The following CHCHD3 variants were observed in gnomAD, a reference collection of about 807,000 sequenced individuals.
CHCHD3 encodes coiled-coil-helix-coiled-coil-helix domain containing 3, also known as MICOS complex subunit MIC19.
A neutral mutation model predicts 38.2 loss-of-function variants in CHCHD3; 20 were observed. The ratio of observed to expected loss-of-function variants is 0.52; its 90% CI spans 0.37 to 0.76. CHCHD3 has a LOEUF of 0.76. CHCHD3 is among the 30% of genes least tolerant of loss of function. The probability of loss-of-function intolerance (pLI) is 0.00; values close to 1 mark genes in which losing one functional copy is unlikely to be tolerated. For missense variants in CHCHD3, 245 were observed against 279.2 expected, an observed-to-expected ratio of 0.88 and a Z score of 0.87; for synonymous variants, 82 against 100.0, an observed-to-expected ratio of 0.82 and a Z score of 1.07.
At chr7:132,996,355 C>T (rs755362343) in intron 3 of CHCHD3, among the ~76,000 whole-genome samples, 7 of 152,168 alleles carry the variant, frequency 4.6e-5, no homozygotes, top group Admixed American at 3.9e-4. Flanking sequence ...TGACCCAGAA[C>T]GTGTTTCCAC....
chr7:132,848,007 T>C (rs1258353214), intron 5 of CHCHD3, among the ~76,000 whole-genome samples: 1 of 152,182 alleles, frequency 6.6e-6, no homozygotes, highest in East Asian at 1.9e-4. Context: ...CGTTCAAGGA[T>C]GGTGGCAACT....
At chr7:132,912,691 A>T (rs757323525) in intron 4 of CHCHD3, among the ~76,000 whole-genome samples, 10 of 152,076 alleles carry the variant, frequency 6.6e-5, no homozygotes, top group Non-Finnish European at 1.3e-4. Context: ...GGTAGCTGGG[A>T]CTACAGGCGT....
At chr7:132,860,869 C>T (rs894588769) in intron 5 of CHCHD3, among the ~76,000 whole-genome samples, 8 of 152,164 alleles carry the variant, frequency 5.3e-5, no homozygotes, top group Non-Finnish European at 7.3e-5. Context: ...AGTGATCCAC[C>T]CGCCTCAGCC....
intron 4 of CHCHD3, among the ~76,000 whole-genome samples, chr7:132,889,793 T>A (rs529843895): frequency 6.6e-6 from 1 of 152,308 alleles, no homozygotes; most frequent in East Asian, 1.9e-4. Context: ...AAGCCTAGAA[T>A]ACATTGACTA....
At chr7:132,907,747 AAAGAGGGGAGAATGC>A (rs1215242664) in intron 4 of CHCHD3, among the ~76,000 whole-genome samples, 1 of 152,222 alleles carries the variant, frequency 6.6e-6, no homozygotes. Flanking sequence ...GATGGATTAG[AAAGAGGGGAGAATGC>A]CAGTAGGGAA....
intron 4 of CHCHD3, among the ~76,000 whole-genome samples, chr7:132,938,934 G>C (rs1810696852): frequency 6.6e-6 from 1 of 152,196 alleles, no homozygotes; most frequent in Non-Finnish European, 1.5e-5. Context: ...TCTATCCCTG[G>C]TGAGTGTCAT....
At chr7:132,996,968 T>C (rs2117382694) in intron 3 of CHCHD3, among the ~76,000 whole-genome samples, 1 of 152,328 alleles carries the variant, frequency 6.6e-6, no homozygotes, top group East Asian at 1.9e-4. Flanking sequence ...CTTATACAAA[T>C]AAAACTATAT....
chr7:132,898,952 C>A (rs1389390242), intron 4 of CHCHD3, among the ~76,000 whole-genome samples: 5 of 152,208 alleles, frequency 3.3e-5, no homozygotes, highest in African/African-American at 1.2e-4. Flanking sequence ...GGCCTGCAAG[C>A]GCCGCACACA....
At chr7:132,801,894 G>A (rs1806802937) in intron 6 of CHCHD3, among the ~76,000 whole-genome samples, 1 of 152,144 alleles carries the variant, frequency 6.6e-6, no homozygotes, top group Non-Finnish European at 1.5e-5. Flanking sequence ...TCAGATCTAC[G>A]TGGGGAACGT....
chr7:132,794,837 A>G (rs1343731750), intron 7 of CHCHD3, among the ~76,000 whole-genome samples: 1 of 152,258 alleles, frequency 6.6e-6, no homozygotes, highest in Non-Finnish European at 1.5e-5. Flanking sequence ...CATTACCCCA[A>G]TTTACAGATG....
At chr7:133,060,167 T>C (rs1358426117) in intron 2 of CHCHD3, among the ~76,000 whole-genome samples, 1 of 152,212 alleles carries the variant, frequency 6.6e-6, no homozygotes, top group Non-Finnish European at 1.5e-5. Context: ...AGACTTCTTC[T>C]TTTCCTGCTT....
At chr7:133,012,631 G>C (rs1380945504) in intron 3 of CHCHD3, among the ~76,000 whole-genome samples, 1 of 151,512 alleles carries the variant, frequency 6.6e-6, no homozygotes. Flanking sequence ...AGACATGGTG[G>C]CATGCACCTG....
chr7:133,020,559 A>ACCATTTTATCAATT (rs1405272954), intron 3 of CHCHD3, among the ~76,000 whole-genome samples: 1 of 152,222 alleles, frequency 6.6e-6, no homozygotes, highest in Non-Finnish European at 1.5e-5. Flanking sequence ...GTGTACATGG[A>ACCATTTTATCAATT]CTGCATTTTA....
chr7:132,829,302 G>A (rs936805603), intron 6 of CHCHD3, among the ~76,000 whole-genome samples: 15 of 152,054 alleles, frequency 9.9e-5, no homozygotes, highest in Non-Finnish European at 1.6e-4. Context: ...TATGATACAA[G>A]GAAGGAAATA....
chr7:133,013,958 G>T (rs79177693), intron 3 of CHCHD3, among the ~76,000 whole-genome samples: 2 of 151,946 alleles, frequency 1.3e-5, no homozygotes, highest in Admixed American at 1.3e-4. Flanking sequence ...TACCTGGTTC[G>T]GTAGAAATAA....
chr7:132,865,039 T>A (rs1808584314), intron 5 of CHCHD3, among the ~76,000 whole-genome samples: 1 of 152,158 alleles, frequency 6.6e-6, no homozygotes, highest in Non-Finnish European at 1.5e-5. Flanking sequence ...ATTTGTCAGA[T>A]AAGGAGGATT....
chr7:132,938,333 TA>T (rs1810680584), intron 4 of CHCHD3, among the ~76,000 whole-genome samples: 1 of 152,126 alleles, frequency 6.6e-6, no homozygotes. Flanking sequence ...CAAATGAGAA[TA>T]AGGATTCGTA....
chr7:132,847,251 T>TA (rs1808098336), intron 5 of CHCHD3: 2 of 152,106 alleles, frequency 1.3e-5, no homozygotes, highest in African/African-American at 4.8e-5. Flanking sequence ...GGCTAGGAAA[T>TA]TGATTATTTT....
chr7:133,082,003 C>T lies in CHCHD3; in HGVS notation c.-66G>A, dbSNP rs975323334. The T allele has an allele frequency of 1.4e-6, 2 of 1,385,116 alleles. No homozygotes were observed. Among genetic ancestry groups the T allele is most frequent in the Non-Finnish European group, 1.9e-6 (2 of 1,029,566 alleles). 85.8% of individuals were successfully genotyped at this position (1,385,116 alleles called of 1,614,324 possible). On this transcript the variant is annotated 5_prime_UTR_variant, in exon 1 of 8. Coordinates refer to ENST00000262570, the MANE Select transcript of CHCHD3 (RefSeq NM_017812.4). Reference sequence around the variant, plus strand: ...ACGAGCACTTCGGGGCCCCCGCACCCACACGCGCGTGGAAGGGCCTGGATT... The same window carrying T: ...ACGAGCACTTCGGGGCCCCCGCACCTACACGCGCGTGGAAGGGCCTGGATT...
Sources: allele counts gnomAD v4.1 joint callset (sites outside exome capture counted in the v4.1 genomes callset), GRCh38; gene constraint gnomAD v4.1.1; transcripts MANE v1.5; gene names NCBI Gene and HGNC (gene_info 2026-07-23, HGNC 2026-07-21).